ADARB2: variants seen among roughly 807,000 people sequenced by gnomAD.
ADARB2 encodes inactive double-stranded RNA-specific editase B2.
In ADARB2, 25 loss-of-function variants were observed where a neutral mutation model predicts 62.2. The ratio of observed to expected loss-of-function variants is 0.40; its 90% CI spans 0.29 to 0.56. The LOEUF (loss-of-function observed/expected upper bound fraction) is 0.56. Ranked by LOEUF, ADARB2 falls within the 20% of genes least tolerant of loss-of-function variation. The pLI, the probability that ADARB2 is intolerant of heterozygous loss-of-function variation, is 0.43. For synonymous variants in ADARB2, 572 were observed against 500.8 expected (o/e 1.14, Z -1.90); for missense variants, 1,071 against 1,077.4 (o/e 0.99, Z 0.08).
intron 1 of ADARB2, among the ~76,000 whole-genome samples, chr10:1,652,447 AGAG>A (rs2119074268): frequency 6.6e-6 from 1 of 152,270 alleles, no homozygotes; most frequent in East Asian, 1.9e-4. Context: ...CTTCCTTTCC[AGAG>A]CTCGGGGCTC....
chr10:1,537,809 T>C (rs1832352930), intron 1 of ADARB2, among the ~76,000 whole-genome samples: 1 of 151,830 alleles, frequency 6.6e-6, no homozygotes, highest in South Asian at 2.1e-4. Flanking sequence ...CCGGGACCTG[T>C]CAGGGGGTGA....
chr10:1,621,302 A>G (rs901487881), intron 1 of ADARB2, among the ~76,000 whole-genome samples: 12 of 152,242 alleles, frequency 7.9e-5, no homozygotes, highest in African/African-American at 2.7e-4. Flanking sequence ...AAACATATCA[A>G]TCGTCTTTTT....
chr10:1,642,900 G>C (rs10903526), intron 1 of ADARB2, among the ~76,000 whole-genome samples: 75,411 of 152,098 alleles, frequency 0.5, 20,858 homozygotes, highest in East Asian at 0.69. Flanking sequence ...CAGACGGCCT[G>C]CACACTGACC....
intron 1 of ADARB2, among the ~76,000 whole-genome samples, chr10:1,455,622 GA>G (rs1281923497): frequency 6.6e-6 from 1 of 152,112 alleles, no homozygotes; most frequent in East Asian, 1.9e-4. Context: ...CATAGCATTA[GA>G]AAAACTCTTT....
Position 1,183,193 on chromosome 10 carries a change from C to T in ADARB2, c.2220G>A (p.Ter740=), listed in dbSNP as rs1241470520. ...GCTCCAGCAGCCAGGAGCCCGCAGCCTAGAGAGTCAGTAGAAACTGCTGCT... is the reference window on the plus strand; with the variant it reads ...GCTCCAGCAGCCAGGAGCCCGCAGCTTAGAGAGTCAGTAGAAACTGCTGCT... ...PEQQQFLLTL[*] is the part of the protein sequence containing the mutation. Residue 740 remains the stop codon, a stop_retained_variant, in exon 10 of 10, where the codon TAG becomes TAA. Coordinates refer to ENST00000381312, the MANE Select transcript of ADARB2 (RefSeq NM_018702.4). 1.2e-6 allele frequency: 2 copies of T among 1,612,478 alleles called. No homozygotes were observed. The highest frequency in any genetic ancestry group is 3.3e-5 in the Admixed American group (2 of 60,002).
At chr10:1,337,062 C>CTGTGTGTGTGTGTG (rs145511384) in intron 3 of ADARB2, among the ~76,000 whole-genome samples, 215 of 142,144 alleles carry the variant, frequency 1.5e-3, no homozygotes, top group African/African-American at 2.5e-3. Context: ...TTAAAGATTT[C>CTGTGTGTGTGTGTG]TGTGTGTGTG....
At chr10:1,514,993 A>C (rs1831991351) in intron 1 of ADARB2, among the ~76,000 whole-genome samples, 1 of 151,972 alleles carries the variant, frequency 6.6e-6, no homozygotes, top group Non-Finnish European at 1.5e-5. Flanking sequence ...GTAAAATGGA[A>C]AGGCACACTG....
chr10:1,535,231 C>T (rs1228181950), intron 1 of ADARB2, among the ~76,000 whole-genome samples: 2 of 152,168 alleles, frequency 1.3e-5, no homozygotes, highest in Non-Finnish European at 2.9e-5. Flanking sequence ...ACACAGACAT[C>T]AGCTCTTCTC....
At chr10:1,287,828 C>T (rs543470866) in intron 3 of ADARB2, among the ~76,000 whole-genome samples, 41 of 152,202 alleles carry the variant, frequency 2.7e-4, no homozygotes, top group Admixed American at 7.2e-4. Flanking sequence ...GGAGTTATGC[C>T]GTCGGCTGTG....
intron 1 of ADARB2, among the ~76,000 whole-genome samples, chr10:1,469,656 C>T (rs1003550928): frequency 2.0e-5 from 3 of 152,012 alleles, no homozygotes; most frequent in African/African-American, 4.8e-5. Context: ...GAGGAGAGAA[C>T]AAAAAAGAAA....
At chr10:1,692,195 A>G (rs1834682417) in intron 1 of ADARB2, among the ~76,000 whole-genome samples, 1 of 152,210 alleles carries the variant, frequency 6.6e-6, no homozygotes, top group Non-Finnish European at 1.5e-5. Context: ...TATCACCTAA[A>G]AGCATCACAT....
At chr10:1,376,336 G>C (rs890565832) in intron 2 of ADARB2, among the ~76,000 whole-genome samples, 1 of 152,224 alleles carries the variant, frequency 6.6e-6, no homozygotes, top group Non-Finnish European at 1.5e-5. Context: ...ATAACTTAAA[G>C]TTATTGTTAC....
intron 1 of ADARB2, among the ~76,000 whole-genome samples, chr10:1,450,455 C>T (rs971276484): frequency 6.6e-5 from 10 of 152,194 alleles, no homozygotes; most frequent in Admixed American, 2.0e-4. Flanking sequence ...GATTCAGCAC[C>T]GGACTCTGAT....
intron 1 of ADARB2, among the ~76,000 whole-genome samples, chr10:1,562,415 A>G (rs187106382): frequency 2.4e-4 from 36 of 151,778 alleles, no homozygotes; most frequent in Admixed American, 4.6e-4. Flanking sequence ...GCCTCACTCC[A>G]TCACTGGGAG....
At chr10:1,378,681 G>A (rs946859716) in intron 2 of ADARB2, among the ~76,000 whole-genome samples, 2 of 151,932 alleles carry the variant, frequency 1.3e-5, no homozygotes, top group African/African-American at 4.8e-5. Flanking sequence ...GTGCGGGTGG[G>A]ACCACAGGTG....
At chr10:1,393,160 C>A (rs1237962285) in intron 1 of ADARB2, among the ~76,000 whole-genome samples, 1 of 152,170 alleles carries the variant, frequency 6.6e-6, no homozygotes. Flanking sequence ...GGAATGTGTC[C>A]ATTTTTCATG....
At chr10:1,606,893 T>G (rs942925876) in intron 1 of ADARB2, among the ~76,000 whole-genome samples, 2 of 152,210 alleles carry the variant, frequency 1.3e-5, no homozygotes, top group African/African-American at 4.8e-5. Context: ...TGTGCTGTTG[T>G]GCCATTTTGT....
intron 3 of ADARB2, among the ~76,000 whole-genome samples, chr10:1,276,741 C>G (rs1831321558): frequency 6.6e-6 from 1 of 152,164 alleles, no homozygotes; most frequent in South Asian, 2.1e-4. Context: ...GAACTCAGCT[C>G]TGCACCAAGC....
At chr10:1,400,282 G>C (rs1164232612) in intron 1 of ADARB2, among the ~76,000 whole-genome samples, 1 of 152,180 alleles carries the variant, frequency 6.6e-6, no homozygotes, top group Non-Finnish European at 1.5e-5. Flanking sequence ...GCCTCCCTGA[G>C]TCCGAGTCCG....
Sources: allele counts gnomAD v4.1 joint callset (sites outside exome capture counted in the v4.1 genomes callset), GRCh38; gene constraint gnomAD v4.1.1; transcripts MANE v1.5; gene names NCBI Gene and HGNC (gene_info 2026-07-23, HGNC 2026-07-21).